IL19: variants seen among roughly 807,000 people sequenced by gnomAD.
IL19 encodes interleukin-19.
IL19 carries 15 observed loss-of-function variants against 19.5 expected under a neutral mutation model. The ratio of observed to expected loss-of-function variants is 0.77; its 90% CI spans 0.52 to 1.19. The LOEUF (loss-of-function observed/expected upper bound fraction) is 1.19. Among genes scored for constraint, IL19 ranks in the 50% most tolerant of loss-of-function variants. The pLI, the probability that IL19 is intolerant of heterozygous loss-of-function variation, is 0.00. For missense variants in IL19, 199 were observed against 213.1 expected (o/e 0.93, Z 0.41); for synonymous variants, 78 against 78.3 (o/e 1.00, Z 0.02).
chr1:206,779,366 C>G (rs1052124837), intron 1 of IL19, among the ~76,000 whole-genome samples: 1 of 152,152 alleles, frequency 6.6e-6, no homozygotes, highest in African/African-American at 2.4e-5. Context: ...AGTGTGGGCT[C>G]CCAGAGCTCA....
At chr1:206,781,624 C>T (rs1407853489) in intron 1 of IL19, among the ~76,000 whole-genome samples, 4 of 150,886 alleles carry the variant, frequency 2.7e-5, no homozygotes, top group Non-Finnish European at 4.4e-5. Context: ...GTTGCTTCCT[C>T]CCACCCTGGA....
chr1:206,835,458 C>A (rs1012560135), intron 2 of IL19, among the ~76,000 whole-genome samples: 1 of 152,208 alleles, frequency 6.6e-6, no homozygotes, highest in Non-Finnish European at 1.5e-5. Flanking sequence ...GGTTTCTAAA[C>A]AGGATTTGCT....
At position 206,798,862 on chromosome 1, in the gene IL19, G is replaced by A. The variant is rs779097284; in HGVS notation, c.-147G>A. The A allele has an allele frequency of 6.9e-7, 1 of 1,455,424 alleles. No homozygotes were observed. Among genetic ancestry groups the A allele is most frequent in the Admixed American group, 1.7e-5 (1 of 57,942 alleles). 90.2% of individuals were successfully genotyped at this position (1,455,424 alleles called of 1,614,324 possible). A position where few individuals can be genotyped will look rare whatever the true frequency, so the allele number is the denominator to read the frequency against. Reference sequence around the variant, plus strand: ...GACTCTCTATGATTTTCTCCATAGAGCGGTGCTTGCACACACTGACAGGAG... The same window carrying A: ...GACTCTCTATGATTTTCTCCATAGAACGGTGCTTGCACACACTGACAGGAG... On this transcript the variant is annotated splice_region_variant and 5_prime_UTR_variant, in exon 2 of 7. Coordinates refer to ENST00000659997, the MANE Select transcript of IL19 (RefSeq NM_153758.5).
At chr1:206,803,737 T>C (rs541250696) in intron 2 of IL19, among the ~76,000 whole-genome samples, 1 of 152,266 alleles carries the variant, frequency 6.6e-6, no homozygotes, top group East Asian at 1.9e-4. Flanking sequence ...CCACCAGGAA[T>C]GGGGTGACCT....
At chr1:206,834,796 G>A (rs144932448) in intron 2 of IL19, among the ~76,000 whole-genome samples, 114 of 152,280 alleles carry the variant, frequency 7.5e-4, no homozygotes, top group Admixed American at 1.7e-3. Flanking sequence ...TGGTGTCAGG[G>A]GAGCTACTGG....
intron 2 of IL19, among the ~76,000 whole-genome samples, chr1:206,819,050 A>T (rs1357685144): frequency 2.6e-5 from 4 of 151,030 alleles, no homozygotes; most frequent in Admixed American, 6.6e-5. Flanking sequence ...TGACCTCGTG[A>T]TCTGCCTGCC....
intron 2 of IL19, among the ~76,000 whole-genome samples, chr1:206,802,580 G>A (rs758580233): frequency 1.8e-4 from 27 of 152,130 alleles, no homozygotes; most frequent in Non-Finnish European, 3.5e-4. Flanking sequence ...ACACAACCCA[G>A]ACTAATTGGG....
rs12140804 is a variant in IL19, at chr1:206,818,985, G to T, written c.-2-17676G>T. Among the ~76,000 whole-genome samples, 820 of 151,822 alleles carry T rather than the reference G, an allele frequency of 5.4e-3. 1 individual carries two copies. The highest frequency in any genetic ancestry group is 7.8e-3 in the Non-Finnish European group (527 of 67,912). ...CTGCCACAGCGCCCAGGTAATTTTT[G>T]TATTTTTAGTAGAGATGGGGTTTCA... On this transcript the variant is annotated intron_variant, in intron 2 of 6. Transcript: ENST00000659997.
intron 2 of IL19, among the ~76,000 whole-genome samples, chr1:206,825,945 G>C (rs1485987301): frequency 6.6e-6 from 1 of 152,150 alleles, no homozygotes; most frequent in Non-Finnish European, 1.5e-5. Flanking sequence ...ATTCAAACCA[G>C]AGCTTGACCT....
intron 1 of IL19, among the ~76,000 whole-genome samples, chr1:206,797,539 G>A (rs1473007998): frequency 6.6e-6 from 1 of 152,114 alleles, no homozygotes. Context: ...TTGGGAATTT[G>A]TATATTGGGA....
At chr1:206,827,207 A>G (rs1397705309) in intron 2 of IL19, among the ~76,000 whole-genome samples, 2 of 152,196 alleles carry the variant, frequency 1.3e-5, no homozygotes, top group Admixed American at 6.5e-5. Context: ...AAGTATTGAC[A>G]TAGGAGAAGG....
intron 1 of IL19, chr1:206,771,499 G>T: frequency 1.7e-6 from 2 of 1,188,960 alleles, no homozygotes; most frequent in Non-Finnish European, 2.4e-6. Context: ...TTCATTTAGA[G>T]ATTTTTTTTT....
chr1:206,788,996 G>T (rs1042587929), intron 1 of IL19, among the ~76,000 whole-genome samples: 7 of 152,208 alleles, frequency 4.6e-5, no homozygotes, highest in African/African-American at 1.7e-4. Flanking sequence ...TGCTGATCAA[G>T]ATATAAAAGA....
At chr1:206,822,152 A>G (rs1469037966) in intron 2 of IL19, among the ~76,000 whole-genome samples, 1 of 152,200 alleles carries the variant, frequency 6.6e-6, no homozygotes, top group African/African-American at 2.4e-5. Flanking sequence ...GGAATTTCCA[A>G]GATGCCCTCG....
At chr1:206,812,274 T>G (rs777546344) in intron 2 of IL19, among the ~76,000 whole-genome samples, 1 of 152,226 alleles carries the variant, frequency 6.6e-6, no homozygotes, top group Non-Finnish European at 1.5e-5. Flanking sequence ...CATAGCCTAC[T>G]CACAGAATTT....
chr1:206,781,454 A>C (rs111293395), intron 1 of IL19, among the ~76,000 whole-genome samples: 7 of 151,700 alleles, frequency 4.6e-5, no homozygotes, highest in African/African-American at 1.7e-4. Flanking sequence ...AAAAAGAAAA[A>C]AAAGAGAGAG....
chr1:206,816,365 A>C (rs1297307947), intron 2 of IL19, among the ~76,000 whole-genome samples: 1 of 152,208 alleles, frequency 6.6e-6, no homozygotes. Flanking sequence ...ATGTATGAAA[A>C]TAATAGCATA....
chr1:206,812,442 G>A (rs1185375708), intron 2 of IL19, among the ~76,000 whole-genome samples: 1 of 152,154 alleles, frequency 6.6e-6, no homozygotes, highest in Non-Finnish European at 1.5e-5. Flanking sequence ...AAACCAACAG[G>A]CTAAGAAGAA....
chr1:206,802,368 G>T (rs555864662), intron 2 of IL19, among the ~76,000 whole-genome samples: 49 of 151,208 alleles, frequency 3.2e-4, no homozygotes, highest in East Asian at 7.7e-4. Context: ...TATCTGGGTG[G>T]TTTTTTTTTC....
Sources: allele counts gnomAD v4.1 joint callset (sites outside exome capture counted in the v4.1 genomes callset), GRCh38; gene constraint gnomAD v4.1.1; transcripts MANE v1.5; gene names NCBI Gene and HGNC (gene_info 2026-07-23, HGNC 2026-07-21).